Variants in TMEM132B observed in about 807,000 individuals in gnomAD.
TMEM132B encodes the protein transmembrane protein 132B.
Under a neutral mutation model 90.8 loss-of-function variants are expected in TMEM132B, and 18 were observed. The ratio of observed to expected loss-of-function variants is 0.20; its 90% CI spans 0.14 to 0.29. The LOEUF (loss-of-function observed/expected upper bound fraction) is 0.29. Ranked by LOEUF, TMEM132B falls within the 10% of genes least tolerant of loss-of-function variation. The pLI is 1.00. For synonymous variants in TMEM132B, 504 were observed against 523.3 expected, an observed-to-expected ratio of 0.96 and a Z score of 0.50; for missense variants, 1,096 against 1,326.8, an observed-to-expected ratio of 0.83 and a Z score of 2.70.
chr12:125,489,757 A>T (rs1272013098), intron 3 of TMEM132B, among the ~76,000 whole-genome samples: 1 of 152,178 alleles, frequency 6.6e-6, no homozygotes, highest in Non-Finnish European at 1.5e-5. Flanking sequence ...GAGTTTTGAT[A>T]TCTGGATCAA....
At chr12:125,532,032 C>A (rs1171964923) in intron 4 of TMEM132B, among the ~76,000 whole-genome samples, 1 of 152,186 alleles carries the variant, frequency 6.6e-6, no homozygotes, top group Non-Finnish European at 1.5e-5. Flanking sequence ...ATGCCGTTTC[C>A]TAACTTACAT....
chr12:125,267,711 G>C (rs892433459), intron 1 of TMEM132B, among the ~76,000 whole-genome samples: 1 of 152,124 alleles, frequency 6.6e-6, no homozygotes, highest in Non-Finnish European at 1.5e-5. Context: ...GCATGGGTTA[G>C]GGGGGCAGTG....
intron 1 of TMEM132B, among the ~76,000 whole-genome samples, chr12:125,290,766 C>T: frequency 6.6e-6 from 1 of 152,062 alleles, no homozygotes; most frequent in East Asian, 1.9e-4. Flanking sequence ...CAGTGAGTGT[C>T]CTGGTACATC....
intron 1 of TMEM132B, among the ~76,000 whole-genome samples, chr12:125,217,961 T>G (rs1873474668): frequency 1.3e-5 from 2 of 152,198 alleles, no homozygotes; most frequent in African/African-American, 4.8e-5. Context: ...TTATGACATA[T>G]CCATGCAGGG....
At chr12:125,299,361 C>G (rs558809522) in intron 1 of TMEM132B, among the ~76,000 whole-genome samples, 1 of 152,164 alleles carries the variant, frequency 6.6e-6, no homozygotes, top group South Asian at 2.1e-4. Context: ...CTGGCGGCTC[C>G]TCCCAAGCCC....
At chr12:125,622,489 A>G in intron 5 of TMEM132B, 2 of 985,416 alleles carry the variant, frequency 2.0e-6, no homozygotes, top group Non-Finnish European at 2.4e-6. Flanking sequence ...TGTGCTGGAA[A>G]GGACTCACAG....
At chr12:125,394,480 T>C (rs1324059231) in intron 2 of TMEM132B, among the ~76,000 whole-genome samples, 3 of 152,174 alleles carry the variant, frequency 2.0e-5, no homozygotes, top group Admixed American at 1.3e-4. Flanking sequence ...GACTTATTGA[T>C]TGACTTGGGT....
At chr12:125,208,886 C>T (rs989044678) in intron 1 of TMEM132B, among the ~76,000 whole-genome samples, 12 of 152,178 alleles carry the variant, frequency 7.9e-5, no homozygotes, top group Non-Finnish European at 1.6e-4. Context: ...TGGCTGCCCT[C>T]GTGTGCCCCT....
At chr12:125,351,035 A>G (rs1486442003) in intron 2 of TMEM132B, among the ~76,000 whole-genome samples, 1 of 152,204 alleles carries the variant, frequency 6.6e-6, no homozygotes, top group Non-Finnish European at 1.5e-5. Flanking sequence ...TGGAGTTGTC[A>G]TGTGCTGAGA....
chr12:125,198,600 A>T (rs1872981701), intron 1 of TMEM132B, among the ~76,000 whole-genome samples: 1 of 152,222 alleles, frequency 6.6e-6, no homozygotes, highest in Admixed American at 6.5e-5. Flanking sequence ...TGGGGATGGA[A>T]TCTGATCGAC....
chr12:125,564,521 A>T (rs1042527006), intron 4 of TMEM132B, among the ~76,000 whole-genome samples: 2 of 152,132 alleles, frequency 1.3e-5, no homozygotes, highest in Non-Finnish European at 2.9e-5. Context: ...TTCTGTCCAT[A>T]AGACAGATTG....
At chr12:125,427,482 G>A (rs762350123) in intron 3 of TMEM132B, among the ~76,000 whole-genome samples, 14 of 152,290 alleles carry the variant, frequency 9.2e-5, no homozygotes, top group Admixed American at 4.6e-4. Flanking sequence ...GCACAGAGTA[G>A]GCTCTCAACA....
chr12:125,417,138 G>T (rs769856284), intron 3 of TMEM132B, among the ~76,000 whole-genome samples: 35 of 152,120 alleles, frequency 2.3e-4, no homozygotes, highest in Admixed American at 6.5e-4. Context: ...CTCCAGCTTG[G>T]GTTCCTCATG....
chr12:125,388,928 A>G (rs186069102), intron 2 of TMEM132B, among the ~76,000 whole-genome samples: 4 of 152,218 alleles, frequency 2.6e-5, no homozygotes, highest in Admixed American at 6.5e-5. Context: ...AGGCAACAAC[A>G]CAGGAATTGA....
intron 6 of TMEM132B, among the ~76,000 whole-genome samples, chr12:125,646,904 C>G (rs531535245): frequency 6.6e-6 from 1 of 152,014 alleles, no homozygotes; most frequent in Admixed American, 6.6e-5. Flanking sequence ...GAATATCTGA[C>G]AAGGATTTTA....
chr12:125,610,456 C>G (rs1238692620), intron 5 of TMEM132B, among the ~76,000 whole-genome samples: 2 of 152,156 alleles, frequency 1.3e-5, no homozygotes, highest in Middle Eastern at 3.4e-3. Flanking sequence ...TTAACATGGA[C>G]TGGTTGTATA....
At chr12:125,262,744 C>G (rs1047801675) in intron 1 of TMEM132B, among the ~76,000 whole-genome samples, 6 of 152,242 alleles carry the variant, frequency 3.9e-5, no homozygotes, top group African/African-American at 1.2e-4. Flanking sequence ...GAGAGAACAT[C>G]TTTGTAGAAG....
intron 1 of TMEM132B, among the ~76,000 whole-genome samples, chr12:125,282,235 GC>G (rs1003183510): frequency 2.0e-4 from 30 of 151,976 alleles, no homozygotes; most frequent in African/African-American, 6.3e-4. Flanking sequence ...CACTCACACT[GC>G]CCAGCTCCCT....
At chr12:125,555,691 T>C (rs1209277138) in intron 4 of TMEM132B, among the ~76,000 whole-genome samples, 1 of 147,100 alleles carries the variant, frequency 6.8e-6, no homozygotes, top group Non-Finnish European at 1.5e-5. Context: ...TGTGCACATG[T>C]ACCCTAGAAC....
Sources: gnomAD v4.1 joint callset for allele counts (sites outside exome capture counted in the v4.1 genomes callset) on GRCh38, gnomAD v4.1.1 for gene constraint, MANE v1.5 for transcripts, NCBI Gene and HGNC (gene_info 2026-07-23, HGNC 2026-07-21) for gene names.